RHBDF2: variants seen among roughly 807,000 people sequenced by gnomAD.
RHBDF2 encodes the protein inactive rhomboid protein 2.
A neutral mutation model predicts 95.2 loss-of-function variants in RHBDF2; 38 were observed. The observed-to-expected ratio is 0.40, with a 90% confidence interval of 0.31 to 0.52. The LOEUF is 0.52. RHBDF2 is among the 20% of genes least tolerant of loss of function. The pLI is 0.56. For synonymous variants in RHBDF2, 442 were observed against 462.0 expected (o/e 0.96, Z 0.55); for missense variants, 863 against 1,137.7 (o/e 0.76, Z 3.47).
Position 76,471,628 on chromosome 17 carries a change from A to G in RHBDF2, c.*5T>C, listed in dbSNP as rs1598645379. On this transcript the variant is annotated 3_prime_UTR_variant, in exon 19 of 19. Coordinates refer to ENST00000675367, the MANE Select transcript of RHBDF2 (RefSeq NM_001005498.4). ...GGGCTGAGGGGCAGCCGTGTGGCCC[A>G]GCGGTCAGTGCAGCACCTGGTCCAG... 5 of 1,580,392 alleles carry G rather than the reference A, an allele frequency of 3.2e-6. 1 individual carries two copies. The highest frequency in any genetic ancestry group is 4.3e-6 in the Non-Finnish European group (5 of 1,161,438).
rs1198245738 is a variant in RHBDF2, at chr17:76,476,683, G to A, written c.1115+147C>T. ...TCATGTGCACAACCCTTGGGACAGGGTGCGCCTTCGAGCTTGTCACTACAC... is the reference window on the plus strand; with the variant it reads ...TCATGTGCACAACCCTTGGGACAGGATGCGCCTTCGAGCTTGTCACTACAC... On this transcript the variant is annotated intron_variant, in intron 9 of 18. Transcript: ENST00000675367. 3 of 1,229,540 alleles carry A rather than the reference G, an allele frequency of 2.4e-6. No individual in the cohort carries two copies. In the East Asian group the frequency reaches 7.7e-5, roughly 32 times the overall value. 76.2% of individuals were successfully genotyped at this position (1,229,540 alleles called of 1,614,324 possible). A position where few individuals can be genotyped will look rare whatever the true frequency, so the allele number is the denominator to read the frequency against.
intron 1 of RHBDF2, among the ~76,000 whole-genome samples, chr17:76,497,817 G>T (rs1202886025): frequency 6.6e-6 from 1 of 152,170 alleles, no homozygotes; most frequent in East Asian, 1.9e-4. Context: ...AGCAGCCCCT[G>T]GACCTTGGCC....
intron 7 of RHBDF2, 110 bp downstream of exon 7, chr17:76,477,547 T>C: frequency 1.6e-6 from 2 of 1,270,248 alleles, no homozygotes; most frequent in Admixed American, 1.8e-5. Flanking sequence ...ATCCCAGCAG[T>C]GGGCCTCTGG....
chr17:76,499,549 C>T (rs891186197), intron 1 of RHBDF2, among the ~76,000 whole-genome samples: 3 of 152,206 alleles, frequency 2.0e-5, no homozygotes, highest in African/African-American at 7.2e-5. Flanking sequence ...CAGCTGGGCC[C>T]ACTCCAGGGC....
At chr17:76,487,161 G>A (rs2074159332) in intron 2 of RHBDF2, among the ~76,000 whole-genome samples, 1 of 151,640 alleles carries the variant, frequency 6.6e-6, no homozygotes, top group South Asian at 2.1e-4. Context: ...GTTTCTCCAT[G>A]TTGGTCAGGC....
chr17:76,477,767 C>T lies in RHBDF2; in HGVS notation c.691G>A (p.Ala231Thr), dbSNP rs769695454. Residue 231 changes from alanine to threonine, a missense_variant, in exon 7 of 19, where the codon GCC becomes ACC. Physicochemically the swap from Ala to Thr is moderately conservative, Grantham distance 58 (BLOSUM62 0). Coordinates refer to ENST00000675367, the MANE Select transcript of RHBDF2 (RefSeq NM_001005498.4). ...ALLKGRSVLD[A>T]TGQRCRVVKR... is the part of the protein sequence containing the mutation. ...ACCACCCGGCACCGCTGTCCGGTGG[C>T]ATCCAGCACCGAGCGCCCCTGTGCA... 31 of 1,612,196 alleles carry T rather than the reference C, an allele frequency of 1.9e-5. 1 individual carries two copies. The South Asian group carries it at 3.4e-4, about 18-fold the overall frequency.
intron 2 of RHBDF2, among the ~76,000 whole-genome samples, chr17:76,484,978 A>G (rs1458787826): frequency 6.6e-6 from 1 of 152,166 alleles, no homozygotes; most frequent in Non-Finnish European, 1.5e-5. Context: ...GGAGCAAATG[A>G]GTGGATGATG....
chr17:76,472,767 C>T lies in RHBDF2; in HGVS notation c.1983G>A (p.Trp661Ter), dbSNP rs1477264218. Residue 661 changes from tryptophan (W) to a stop codon, truncating the protein, a stop_gained, in exon 18 of 19, where the codon TGG becomes TGA. Coordinates refer to ENST00000675367, the MANE Select transcript of RHBDF2 (RefSeq NM_001005498.4). LOFTEE classifies it high-confidence loss of function. ...ILRDLEKLAG[W>*]HRIAIIFILS... ...GGATGAAGATGATGGCGATACGGTG[C>T]CAGCCGGCCAGCTTCTCCAGGTCCC... The T allele has an allele frequency of 6.2e-7, 1 of 1,612,284 alleles. No individual in the cohort carries two copies. The highest frequency in any genetic ancestry group is 8.5e-7 in the Non-Finnish European group (1 of 1,179,250).
intron 2 of RHBDF2, among the ~76,000 whole-genome samples, chr17:76,482,056 A>C (rs1321188460): frequency 2.0e-5 from 3 of 150,618 alleles, no homozygotes; most frequent in African/African-American, 7.3e-5. Context: ...ACCAGGCTGA[A>C]CCTCAGGCCC....
Position 76,471,885 on chromosome 17 carries a change from G to A in RHBDF2, c.2232C>T (p.His744=), listed in dbSNP as rs370631928. Residue 744 remains histidine (H), a synonymous_variant, in exon 19 of 19, where the codon CAC becomes CAT. Coordinates refer to ENST00000675367, the MANE Select transcript of RHBDF2 (RefSeq NM_001005498.4). ...GCAGGCCACTGAGGAAGCCGAAGAT[G>A]TGGGCGATGTTGTCGATCCAGGGCA... ...GLLPWIDNIA[H]IFGFLSGLLL... 37 of 1,583,956 alleles carry A rather than the reference G, an allele frequency of 2.3e-5. No homozygotes were observed. Among genetic ancestry groups the A allele is most frequent in the Admixed American group, 3.7e-5 (2 of 54,200 alleles).
At chr17:76,494,524 G>A (rs1352481519) in intron 1 of RHBDF2, among the ~76,000 whole-genome samples, 1 of 152,182 alleles carries the variant, frequency 6.6e-6, no homozygotes, top group Non-Finnish European at 1.5e-5. Flanking sequence ...GGCTGAGGTG[G>A]GCAGATCACC....
intron 11 of RHBDF2, 23 bp from the exon 12 acceptor site, chr17:76,474,557 A>G: frequency 3.1e-6 from 5 of 1,613,408 alleles, no homozygotes; most frequent in Non-Finnish European, 4.2e-6. Context: ...AAGGGAGGGG[A>G]GAGAGTGAGT....
At chr17:76,489,731 G>C (rs1174271606) in intron 1 of RHBDF2, among the ~76,000 whole-genome samples, 1 of 152,192 alleles carries the variant, frequency 6.6e-6, no homozygotes, top group Non-Finnish European at 1.5e-5. Context: ...ACTGTGCGGG[G>C]CCTTGTTTGG....
rs755513390 is a variant in RHBDF2, at chr17:76,475,023, G to A, written c.1227+7C>T. On this transcript the variant is annotated splice_region_variant and intron_variant, in intron 10 of 18. Coordinates refer to ENST00000675367, the MANE Select transcript of RHBDF2 (RefSeq NM_001005498.4). ...GGACCCCCAGCATGGAGCCTGACCC[G>A]ACTCACCAGCTGGGTGGTGACGTGC... 21 of 1,570,398 alleles carry A rather than the reference G, an allele frequency of 1.3e-5. No individual in the cohort carries two copies. The highest frequency in any genetic ancestry group is 1.0e-4 in the South Asian group (9 of 86,300).
At chr17:76,477,395 G>A in intron 7 of RHBDF2, 97 bp from the exon 8 acceptor site, 2 of 1,415,534 alleles carry the variant, frequency 1.4e-6, no homozygotes, top group South Asian at 2.7e-5. Context: ...TGAACAGACG[G>A]GCTCTTCACA....
At chr17:76,485,534 C>T (rs528462728) in intron 2 of RHBDF2, among the ~76,000 whole-genome samples, 8 of 125,964 alleles carry the variant, frequency 6.4e-5, no homozygotes, top group South Asian at 2.7e-4. Context: ...TACAGTGAGC[C>T]GAGATCTCGC....
intron 3 of RHBDF2, 197 bp from the exon 4 acceptor site, chr17:76,480,051 G>GTGTATATATATATATATATATATATATA (rs1363176782): frequency 1.8e-4 from 7 of 39,854 alleles, no homozygotes; most frequent in Admixed American, 4.7e-4. Context: ...GTTTGTATAT[G>GTGTATATATATATATATATATATATATA]TATATATATA....
chr17:76,472,475 G>A (rs1378016014), intron 18 of RHBDF2: 2 of 671,658 alleles, frequency 3.0e-6, no homozygotes, highest in Non-Finnish European at 5.3e-6. Flanking sequence ...AAATGAGGCG[G>A]TGGAGGGACA....
chr17:76,498,537 G>A (rs1217976673), intron 1 of RHBDF2, among the ~76,000 whole-genome samples: 3 of 152,114 alleles, frequency 2.0e-5, no homozygotes, highest in Non-Finnish European at 2.9e-5. Flanking sequence ...GCACACTCAC[G>A]GGCAGGCGTG....
Sources: allele counts gnomAD v4.1 joint callset (sites outside exome capture counted in the v4.1 genomes callset), GRCh38; gene constraint gnomAD v4.1.1; transcripts MANE v1.5; gene names NCBI Gene and HGNC (gene_info 2026-07-23, HGNC 2026-07-21).